Variants in ZNF185 observed in about 807,000 individuals in gnomAD.
The protein encoded by ZNF185 is zinc finger protein 185 with LIM domain.
In ZNF185, 56 loss-of-function variants were observed where a neutral mutation model predicts 58.6. The observed-to-expected ratio is 0.95, with a 90% CI of 0.77 to 1.19. The LOEUF (loss-of-function observed/expected upper bound fraction) is 1.19. ZNF185 is among the 50% of genes most tolerant of loss of function. ZNF185 has a pLI of 0.00. For missense variants in ZNF185, 627 were observed against 573.5 expected, an observed-to-expected ratio of 1.09 and a Z score of -0.95; for synonymous variants, 230 against 215.9, an observed-to-expected ratio of 1.07 and a Z score of -0.57.
chrX:152,915,214 G>T lies in ZNF185; in HGVS notation c.224+11G>T. 2.5e-6 allele frequency: 3 copies of T among 1,207,578 alleles called. No individual in the cohort carries two copies. The highest frequency in any genetic ancestry group is 3.4e-6 in the Non-Finnish European group (3 of 893,690). On this transcript the variant is annotated intron_variant, in intron 3 of 22. Transcript: ENST00000449285. ...GGTTCCGAAGCCTAGGTAAGAGGTG[G>T]TGCTCAGGTGGCTGGTGGGTCAGCC...
chrX:152,943,298 C>G lies in ZNF185; in HGVS notation c.1212-1969C>G, dbSNP rs894953225. Among the ~76,000 whole-genome samples the G allele has an allele frequency of 2.7e-5, 3 of 111,998 alleles. No individual in the cohort carries two copies. In the East Asian group the frequency reaches 8.4e-4, roughly 31 times the overall value. The stretch of plus-strand genomic sequence containing the variant: ...GGCGTGAACCACTACGCCGGGACTA[C>G]AATTTCCGTTTTTTAAAAGAATGGA... On this transcript the variant is annotated intron_variant, in intron 15 of 22. Coordinates refer to ENST00000449285, the Ensembl canonical transcript of ZNF185.
At chrX:152,956,884 CTT>C (rs1481209064) in intron 16 of ZNF185, among the ~76,000 whole-genome samples, 15 of 112,429 alleles carry the variant, frequency 1.3e-4, no homozygotes, top group Non-Finnish European at 2.3e-4. Flanking sequence ...TGTATTCAAT[CTT>C]AATCAGTTTG....
At chrX:152,969,450 A>G in exon 21 of ZNF185, 1 of 1,207,196 alleles carries the variant, frequency 8.3e-7, no homozygotes, top group Non-Finnish European at 1.1e-6. Context: ...ACCCTAGAAC[A>G]TCTTGGTATC....
intron 14 of ZNF185, 34 bp downstream of exon 16, chrX:152,936,547 C>T (rs41302156): frequency 0.034 from 37,907 of 1,123,294 alleles, 471 homozygotes; most frequent in Middle Eastern, 0.042. Context: ...GTGCCCTATC[C>T]CATTGCCAGA....
intron 20 of ZNF185, among the ~76,000 whole-genome samples, chrX:152,968,697 T>G (rs73633263): frequency 0.079 from 8,892 of 112,762 alleles, 857 homozygotes; most frequent in African/African-American, 0.27. Flanking sequence ...CTTGGGCTTC[T>G]GTCAGAAGCA....
upstream of ZNF185, among the ~76,000 whole-genome samples, chrX:152,911,624 G>A (rs186959796): frequency 8.8e-4 from 9 of 10,189 alleles, 1 homozygote; most frequent in Admixed American, 1.9e-3. Flanking sequence ...ACCCCACCCC[G>A]CCCCATCCCA....
At chrX:152,920,085 C>T (rs1448667980) in intron 7 of ZNF185, among the ~76,000 whole-genome samples, 5 of 113,407 alleles carry the variant, frequency 4.4e-5, no homozygotes, top group East Asian at 2.8e-4. Context: ...TAAGCCAATG[C>T]GAGGATGTTG....
intron 15 of ZNF185, among the ~76,000 whole-genome samples, chrX:152,940,552 A>G (rs1357551944): frequency 9.0e-6 from 1 of 111,116 alleles, no homozygotes. Flanking sequence ...GGGTTAAGAT[A>G]AGGGGTTGTG....
At chrX:152,919,700 T>A (rs1382269049) in intron 7 of ZNF185, among the ~76,000 whole-genome samples, 1 of 112,563 alleles carries the variant, frequency 8.9e-6, no homozygotes, top group African/African-American at 3.2e-5. Flanking sequence ...GCACCTTTTG[T>A]ATGCCTTTGG....
chrX:152,907,555 C>T, the ZNF185 span, among the ~76,000 whole-genome samples: 2 of 113,265 alleles, frequency 1.8e-5, no homozygotes, highest in South Asian at 7.1e-4. Context: ...CATCTCTCAG[C>T]CCACTTGGCC....
intron 5 of ZNF185, chrX:152,917,731 G>A: frequency 1.2e-6 from 1 of 844,970 alleles, no homozygotes; most frequent in Non-Finnish European, 1.6e-6. Flanking sequence ...ACTTGCTGAT[G>A]GCATTGAGAA....
the ZNF185 span, among the ~76,000 whole-genome samples, chrX:152,902,752 T>C: frequency 1.4e-3 from 158 of 111,970 alleles, 4 homozygotes; most frequent in Non-Finnish European, 2.6e-4. Flanking sequence ...GACTTCCTTA[T>C]TCTTATCCAA....
chrX:152,914,666 G>A (rs782142010), intron 1 of ZNF185, 44 bp from the exon 3 acceptor site: 2 of 1,188,421 alleles, frequency 1.7e-6, no homozygotes, highest in Non-Finnish European at 2.3e-6. Flanking sequence ...GAGGGTCCTG[G>A]GGCTGCATTC....
chrX:152,971,906 A>G (rs1385820981), exon 23 of ZNF185: 1 of 112,056 alleles, frequency 8.9e-6, no homozygotes, highest in Non-Finnish European at 1.9e-5. Context: ...AATTTACACA[A>G]TTAGGTTTAA....
intron 16 of ZNF185, among the ~76,000 whole-genome samples, chrX:152,946,723 C>T (rs1396379483): frequency 6.3e-5 from 7 of 111,947 alleles, no homozygotes; most frequent in African/African-American, 2.0e-4. Flanking sequence ...ATGTGCCAGA[C>T]GTGCTTGGGA....
At chrX:152,959,244 T>C (rs1437683381) in intron 16 of ZNF185, among the ~76,000 whole-genome samples, 13 of 111,659 alleles carry the variant, frequency 1.2e-4, no homozygotes, top group African/African-American at 4.2e-4. Flanking sequence ...CCAGGGTAGC[T>C]TGGGGGAGAA....
chrX:152,938,036 G>C (rs1005463843), intron 14 of ZNF185, 38 bp from the exon 17 acceptor site: 68 of 1,149,922 alleles, frequency 5.9e-5, no homozygotes, highest in Non-Finnish European at 7.6e-5. Context: ...AGCCTTCTTT[G>C]GTCTGAGATC....
intron 15 of ZNF185, among the ~76,000 whole-genome samples, chrX:152,939,337 G>A (rs1020091677): frequency 1.8e-5 from 2 of 111,864 alleles, no homozygotes; most frequent in Non-Finnish European, 3.8e-5. Flanking sequence ...ATACTGTGCT[G>A]TGCTAGGTGC....
At chrX:152,949,107 C>A (rs1288349192) in intron 16 of ZNF185, among the ~76,000 whole-genome samples, 1 of 95,185 alleles carries the variant, frequency 1.1e-5, no homozygotes, top group Non-Finnish European at 2.2e-5. Flanking sequence ...TTTAGAAAGC[C>A]ACATTTCTGG....
Sources: gnomAD v4.1 joint callset for allele counts (sites outside exome capture counted in the v4.1 genomes callset) on GRCh38, gnomAD v4.1.1 for gene constraint, MANE v1.5 for transcripts, NCBI Gene and HGNC (gene_info 2026-07-23, HGNC 2026-07-21) for gene names.